Variants in KATNA1 observed in about 807,000 individuals in gnomAD.
KATNA1 encodes the protein katanin catalytic subunit A1.
KATNA1 carries 42 observed loss-of-function variants against 62.6 expected under a neutral mutation model. That is an observed-to-expected ratio of 0.67 (90% CI 0.52 to 0.87). The LOEUF is 0.87. Ranked by LOEUF, KATNA1 falls within the 40% of genes least tolerant of loss-of-function variation. The pLI is 0.00. For synonymous variants in KATNA1, 186 were observed against 201.9 expected, an observed-to-expected ratio of 0.92 and a Z score of 0.67; for missense variants, 498 against 612.5, an observed-to-expected ratio of 0.81 and a Z score of 1.97.
intron 4 of KATNA1, among the ~76,000 whole-genome samples, chr6:149,616,881 C>G (rs116734565): frequency 7.2e-5 from 11 of 152,104 alleles, no homozygotes; most frequent in African/African-American, 2.7e-4. Context: ...GCATTATTCA[C>G]AAAAGCCAAA....
Position 149,648,691 on chromosome 6 carries a change from G to A in KATNA1, c.-236C>T, listed in dbSNP as rs1292571947. The A allele has an allele frequency of 6.6e-6, 1 of 152,244 alleles. No individual in the cohort carries two copies. Among genetic ancestry groups the A allele is most frequent in the East Asian group, 1.9e-4 (1 of 5,182 alleles). The allele number at this position is 152,244 out of a possible 1,614,324, so 9.4% of individuals were successfully genotyped here. On this transcript the variant is annotated 5_prime_UTR_variant, in exon 1 of 11. Coordinates refer to ENST00000367411, the MANE Select transcript of KATNA1 (RefSeq NM_007044.4). ...CAAACCCGCCAGGGTCACTTCCGGT[G>A]CCGGGGACGACCTCGGCGACTCTGG...
At chr6:149,638,684 C>A in intron 1 of KATNA1, 124 bp from the exon 2 acceptor site, 1 of 583,496 alleles carries the variant, frequency 1.7e-6, no homozygotes, top group Non-Finnish European at 3.0e-6. Flanking sequence ...CACTTCCCAT[C>A]TCTATATGTG....
chr6:149,598,189 C>T (rs1582748811), intron 8 of KATNA1, 35 bp downstream of exon 8: 2 of 1,611,010 alleles, frequency 1.2e-6, no homozygotes, highest in East Asian at 4.5e-5. Context: ...CTAACAACCT[C>T]CCGTCCCTGT....
Position 149,604,717 on chromosome 6 carries a change from T to A in KATNA1, c.567A>T (p.Lys189Asn). 6.2e-7 allele frequency: 1 copy of A among 1,612,686 alleles called. No homozygotes were observed. Among genetic ancestry groups the A allele is most frequent in the Non-Finnish European group, 8.5e-7 (1 of 1,178,648 alleles). ...CTCTTTCCAAAGCTTCTACTAAGTCTTTATCATATCCGGTACTATCAAATT... is the reference window on the plus strand; with the variant it reads ...CTCTTTCCAAAGCTTCTACTAAGTCATTATCATATCCGGTACTATCAAATT... ...TNKFDSTGYD[K>N]DLVEALERDI... The change falls in exon 5 of 11, where the codon AAA becomes AAT. Residue 189 changes from lysine (K) to asparagine (N), a missense_variant. By Grantham distance (94) the Lys-to-Asn change is moderately conservative (BLOSUM62 0). Transcript: ENST00000367411.
Position 149,623,159 on chromosome 6 carries a change from C to G in KATNA1, c.445G>C (p.Gly149Arg), listed in dbSNP as rs773321162. 4 of 1,612,406 alleles carry G rather than the reference C, an allele frequency of 2.5e-6. No homozygotes were observed. The highest frequency in any genetic ancestry group is 3.4e-6 in the Non-Finnish European group (4 of 1,179,542). Residue 149 changes from glycine to arginine, a missense_variant, in exon 4 of 11, where the codon GGG becomes CGG. Transcript: ENST00000367411. The part of the protein sequence containing the change: ...SSAQNVHNDR[G>R]KAVRCREKKE... ...TTTTCACGACAACGAACAGCTTTCC[C>G]TCTGTCATTGTGAACATTCTGTGCA...
intron 6 of KATNA1, among the ~76,000 whole-genome samples, chr6:149,602,322 G>T (rs543977200): frequency 6.6e-6 from 1 of 152,072 alleles, no homozygotes; most frequent in South Asian, 2.1e-4. Flanking sequence ...AGGCAAGATC[G>T]CACTGCACTC....
At position 149,598,499 on chromosome 6, in the gene KATNA1, G is replaced by A; in HGVS notation, c.889-149C>T. 4.2e-6 allele frequency: 3 copies of A among 708,754 alleles called. No individual in the cohort carries two copies. In the South Asian group the frequency reaches 5.5e-5, roughly 13 times the overall value. The allele number at this position is 708,754 out of a possible 1,614,324, so 43.9% of individuals were successfully genotyped here. ...CAACACTGGGAGGGTGAGGCAGGAG[G>A]ATGGATTGAGCCCAAGAGTTCGAGA... is the stretch of plus-strand genomic sequence containing the variant. On this transcript the variant is annotated intron_variant, in intron 7 of 10. Transcript: ENST00000367411.
At chr6:149,633,479 C>T (rs1779934977) in intron 2 of KATNA1, among the ~76,000 whole-genome samples, 1 of 152,030 alleles carries the variant, frequency 6.6e-6, no homozygotes, top group African/African-American at 2.4e-5. Context: ...CCTGTAATCC[C>T]AGCACTTTAG....
At chr6:149,632,685 C>A in intron 3 of KATNA1, 74 bp downstream of exon 3, 1 of 1,274,306 alleles carries the variant, frequency 7.8e-7, no homozygotes, top group Admixed American at 2.6e-5. Flanking sequence ...CTCAGCCACC[C>A]CATCCTCCTC....
chr6:149,638,738 T>G (rs1157129816), intron 1 of KATNA1, 178 bp from the exon 2 acceptor site: 3 of 432,506 alleles, frequency 6.9e-6, no homozygotes, highest in African/African-American at 2.2e-5. Flanking sequence ...TTGTTTTTTT[T>G]TTTTTTTTTT....
chr6:149,609,292 T>A (rs1778855202), intron 4 of KATNA1, among the ~76,000 whole-genome samples: 1 of 151,620 alleles, frequency 6.6e-6, no homozygotes, highest in Non-Finnish European at 1.5e-5. Context: ...ACCTTGCTTA[T>A]AGGGAAAAAC....
intron 2 of KATNA1, among the ~76,000 whole-genome samples, chr6:149,634,285 T>TAAAATAA (rs1779980950): frequency 6.7e-6 from 1 of 148,406 alleles, no homozygotes; most frequent in Non-Finnish European, 1.5e-5. Context: ...AAAAATAAAA[T>TAAAATAA]AAAATAAAAT....
Position 149,635,790 on chromosome 6 carries a change from C to T in KATNA1, c.162+2596G>A, listed in dbSNP as rs139069756. Among the ~76,000 whole-genome samples the T allele has an allele frequency of 3.6e-3, 553 of 152,020 alleles. 3 individuals carry two copies. Among genetic ancestry groups the T allele is most frequent in the African/African-American group, 0.013 (526 of 41,466 alleles). The stretch of plus-strand genomic sequence containing the variant: ...GAAAATGGTAGGCCAGGCATGGTGG[C>T]TCATGCCTGCAATCCCAGCACTTTG... On this transcript the variant is annotated intron_variant, in intron 2 of 10. Transcript: ENST00000367411.
intron 4 of KATNA1, among the ~76,000 whole-genome samples, chr6:149,613,052 C>T (rs542937189): frequency 1.1e-4 from 17 of 151,060 alleles, no homozygotes; most frequent in East Asian, 5.8e-4. Flanking sequence ...TGGTGGCGGG[C>T]GCCTGTAGTC....
At chr6:149,610,677 T>C (rs182029035) in intron 4 of KATNA1, among the ~76,000 whole-genome samples, 100 of 152,266 alleles carry the variant, frequency 6.6e-4, no homozygotes, top group African/African-American at 2.4e-3. Context: ...ATACAACTTA[T>C]CAAAATTTCT....
intron 3 of KATNA1, among the ~76,000 whole-genome samples, chr6:149,625,488 G>T (rs373705733): frequency 7.9e-5 from 12 of 152,090 alleles, no homozygotes; most frequent in Admixed American, 3.3e-4. Context: ...AAATTAGCTG[G>T]GTGTGGTGGC....
intron 2 of KATNA1, among the ~76,000 whole-genome samples, chr6:149,635,560 T>C (rs1780036150): frequency 6.6e-6 from 1 of 150,832 alleles, no homozygotes; most frequent in Non-Finnish European, 1.5e-5. Flanking sequence ...TACAAAAAAA[T>C]TATCTGGGTG....
At chr6:149,610,110 A>G (rs1778893549) in intron 4 of KATNA1, among the ~76,000 whole-genome samples, 1 of 151,410 alleles carries the variant, frequency 6.6e-6, no homozygotes, top group Admixed American at 6.6e-5. Context: ...AAAAAAAAAA[A>G]AAAAAAAAAA....
intron 6 of KATNA1, 129 bp downstream of exon 6, chr6:149,603,138 AT>A: frequency 1.8e-6 from 1 of 541,902 alleles, no homozygotes; most frequent in Non-Finnish European, 3.3e-6. Context: ...AGCACAACAT[AT>A]ACCTTTTAAT....
Sources: allele counts gnomAD v4.1 joint callset (sites outside exome capture counted in the v4.1 genomes callset), GRCh38; gene constraint gnomAD v4.1.1; transcripts MANE v1.5; gene names NCBI Gene and HGNC (gene_info 2026-07-23, HGNC 2026-07-21).